The following RGS12 variants were observed in gnomAD, a reference collection of about 807,000 sequenced individuals.
RGS12 encodes the protein regulator of G-protein signaling 12.
RGS12 carries 66 observed loss-of-function variants against 120.1 expected under a neutral mutation model. The ratio of observed to expected loss-of-function variants is 0.55; its 90% confidence interval spans 0.45 to 0.67. The LOEUF (loss-of-function observed/expected upper bound fraction) is 0.67, where lower values mean the gene tolerates loss of function less well. Ranked by LOEUF, RGS12 falls within the 30% of genes least tolerant of loss-of-function variation. The pLI is 0.00. For synonymous variants in RGS12, 827 were observed against 804.7 expected (o/e 1.03, Z -0.47); for missense variants, 1,859 against 1,957.7 (o/e 0.95, Z 0.95).
chr4:3,362,765 G>C (rs1715796321), intron 3 of RGS12, among the ~76,000 whole-genome samples: 1 of 148,628 alleles, frequency 6.7e-6, no homozygotes, highest in Non-Finnish European at 1.5e-5. Flanking sequence ...GAAGATGTGA[G>C]GGTGTGAGTT....
intron 4 of RGS12, among the ~76,000 whole-genome samples, chr4:3,411,923 G>A (rs566117726): frequency 6.6e-6 from 1 of 152,364 alleles, no homozygotes; most frequent in African/African-American, 2.4e-5. Context: ...TTCCACCGCA[G>A]CTCGGAGTCA....
chr4:3,342,474 T>G (rs1487317467), intron 2 of RGS12: 2 of 1,289,118 alleles, frequency 1.6e-6, no homozygotes, highest in Non-Finnish European at 2.0e-6. Context: ...GCTTAGGGAT[T>G]CTTTCATTTC....
chr4:3,417,469 T>A lies in RGS12; in HGVS notation c.2689T>A (p.Phe897Ile). 6.2e-7 allele frequency: 1 copy of A among 1,613,084 alleles called. No individual in the cohort carries two copies. Among genetic ancestry groups the A allele is most frequent in the Non-Finnish European group, 8.5e-7 (1 of 1,179,656 alleles). Residue 897 changes from phenylalanine (F) to isoleucine (I), a missense_variant, in exon 9 of 18, where the codon TTT becomes ATT. Phe to Ile is a conservative substitution (Grantham distance 21). Coordinates refer to ENST00000336727, the MANE Select transcript of RGS12 (RefSeq NM_001394154.1). ...CAGCGAGAAGAAGCGGAAAGGCGCG[T>A]TTTTCTCGTGGTCGCGGACCAGGAG... ...EDSEKKRKGA[F>I]FSWSRTRSTG...
intron 17 of RGS12, among the ~76,000 whole-genome samples, chr4:3,439,170 T>G (rs1725088182): frequency 6.6e-6 from 1 of 151,692 alleles, no homozygotes; most frequent in African/African-American, 2.4e-5. Context: ...GCTCTGTTCC[T>G]GAGCTGCAGT....
In RGS12 at chr4:3,374,879, G is replaced by A. The variant is rs1038069634; in HGVS notation, c.1999-11537G>A. Among the ~76,000 whole-genome samples, 4 of 152,278 alleles carry A rather than the reference G, an allele frequency of 2.6e-5. No individual in the cohort carries two copies. Among genetic ancestry groups the A allele is most frequent in the South Asian group, 2.1e-4 (1 of 4,826 alleles). On this transcript the variant is annotated intron_variant, in intron 3 of 17. Coordinates refer to ENST00000336727, the MANE Select transcript of RGS12 (RefSeq NM_001394154.1). This position sits in a 1 kb window ranked among gnomAD's most constrained non-coding sequence, Gnocchi z 6.3. ...CTTTCTGCCTTGGACTGGGCTCTGC[G>A]GGGCAGGGCTGCCAGTTTGGGGTTT... is the stretch of plus-strand genomic sequence containing the variant.
At chr4:3,370,689 A>C (rs1006543865) in intron 3 of RGS12, among the ~76,000 whole-genome samples, 1 of 152,270 alleles carries the variant, frequency 6.6e-6, no homozygotes, top group Non-Finnish European at 1.5e-5. Context: ...TATTAATTTT[A>C]GGCTAGATAA....
At chr4:3,435,291 T>G (rs1350260666) in intron 17 of RGS12, among the ~76,000 whole-genome samples, 2 of 152,104 alleles carry the variant, frequency 1.3e-5, no homozygotes, top group Admixed American at 1.3e-4. Context: ...GCCATTGTGT[T>G]GTACCGGGTG....
intron 3 of RGS12, among the ~76,000 whole-genome samples, chr4:3,380,334 A>G (rs1436685153): frequency 1.3e-5 from 2 of 152,192 alleles, no homozygotes; most frequent in African/African-American, 2.4e-5. Context: ...ACGGGTTGGC[A>G]TTGAGCGTCT....
intron 17 of RGS12, among the ~76,000 whole-genome samples, chr4:3,436,990 G>A (rs1272052748): frequency 6.6e-6 from 1 of 152,218 alleles, no homozygotes; most frequent in Non-Finnish European, 1.5e-5. Context: ...CACCAGGAGT[G>A]AGACCAGGAG....
chr4:3,401,760 G>A (rs1325089769), intron 4 of RGS12, among the ~76,000 whole-genome samples: 1 of 152,250 alleles, frequency 6.6e-6, no homozygotes, highest in Non-Finnish European at 1.5e-5. Flanking sequence ...CAGACATCCC[G>A]TCAGCACCTG....
At chr4:3,306,066 G>A (rs1723953540) in intron 1 of RGS12, among the ~76,000 whole-genome samples, 1 of 152,238 alleles carries the variant, frequency 6.6e-6, no homozygotes, top group Non-Finnish European at 1.5e-5. Context: ...GATGAGCCCT[G>A]CTCTGCCTTG....
chr4:3,357,855 T>C (rs1013830689), intron 3 of RGS12, among the ~76,000 whole-genome samples: 1 of 152,128 alleles, frequency 6.6e-6, no homozygotes, highest in Non-Finnish European at 1.5e-5. Context: ...AAATTCCAAG[T>C]GAATTTTAGG....
chr4:3,333,703 C>A (rs1400717983), intron 2 of RGS12, among the ~76,000 whole-genome samples: 1 of 152,152 alleles, frequency 6.6e-6, no homozygotes, highest in Admixed American at 6.5e-5. Flanking sequence ...AGTATCCCCA[C>A]CTATACTTTA....
At chr4:3,309,289 T>C (rs766682984) in intron 1 of RGS12, among the ~76,000 whole-genome samples, 2 of 123,192 alleles carry the variant, frequency 1.6e-5, no homozygotes, top group African/African-American at 3.1e-5. Flanking sequence ...GAGCTGGGAC[T>C]CGGGAATGGC....
chr4:3,329,893 T>G (rs932700252), intron 2 of RGS12, among the ~76,000 whole-genome samples: 4 of 146,834 alleles, frequency 2.7e-5, no homozygotes, highest in Admixed American at 2.0e-4. Context: ...AAATTTTCCC[T>G]TTAAGAGAAC....
At chr4:3,420,530 G>A in intron 9 of RGS12, 112 bp from the exon 10 acceptor site, 1 of 986,866 alleles carries the variant, frequency 1.0e-6, no homozygotes, top group South Asian at 1.4e-5. Context: ...GGATGGGTGG[G>A]GGGGGCTTCC....
intron 1 of RGS12, among the ~76,000 whole-genome samples, chr4:3,295,440 C>A (rs1723326142): frequency 6.6e-6 from 1 of 152,076 alleles, no homozygotes; most frequent in South Asian, 2.1e-4. Flanking sequence ...GCAGGTGGAT[C>A]ACCTGAGGTC....
At position 3,417,080 on chromosome 4, in the gene RGS12, C is replaced by T; in HGVS notation, c.2595C>T (p.Ser865=). The T allele has an allele frequency of 1.2e-6, 2 of 1,601,722 alleles. No individual in the cohort carries two copies. Among genetic ancestry groups the T allele is most frequent in the Non-Finnish European group, 8.5e-7 (1 of 1,171,512 alleles). The part of the protein sequence containing the change: ...HSLGSDHSSV[S]TPKKLSGKSK... The stretch of plus-strand genomic sequence containing the variant: ...TCGGTTCAGACCACTCCAGTGTGTC[C>T]ACGCCAAAAAAGGTGACCTCCCCGA... Residue 865 remains serine, a synonymous_variant, in exon 8 of 18, where the codon TCC becomes TCT. Coordinates refer to ENST00000336727, the MANE Select transcript of RGS12 (RefSeq NM_001394154.1).
At position 3,417,108 on chromosome 4, in the gene RGS12, C is replaced by T. The variant is rs1349299727; in HGVS notation, c.2607+16C>T. ...GCCAAAAAAGGTGACCTCCCCGAGG[C>T]TGGCCTCACGCCCCTGTGGGTTGTG... On this transcript the variant is annotated intron_variant, in intron 8 of 17. Coordinates refer to ENST00000336727, the MANE Select transcript of RGS12 (RefSeq NM_001394154.1). The T allele has an allele frequency of 1.3e-6, 2 of 1,581,744 alleles. No homozygotes were observed. The highest frequency in any genetic ancestry group is 2.3e-5 in the East Asian group (1 of 44,156).
Sources: allele counts gnomAD v4.1 joint callset (sites outside exome capture counted in the v4.1 genomes callset), GRCh38; gene constraint gnomAD v4.1.1; non-coding constraint Gnocchi (gnomAD v3.1); transcripts MANE v1.5; gene names NCBI Gene and HGNC (gene_info 2026-07-23, HGNC 2026-07-21).